Variants in STXBP5L observed in about 807,000 individuals in gnomAD.
The protein encoded by STXBP5L is syntaxin-binding protein 5-like.
STXBP5L carries 65 observed loss-of-function variants against 144.5 expected under a neutral mutation model. That is an observed-to-expected ratio of 0.45 (90% CI 0.37 to 0.55). The LOEUF (loss-of-function observed/expected upper bound fraction) is 0.55. Among genes scored for constraint, STXBP5L ranks in the 20% least tolerant of loss-of-function variants. The pLI, the probability that STXBP5L is intolerant of heterozygous loss-of-function variation, is 0.00. For synonymous variants in STXBP5L, 505 were observed against 469.6 expected, an observed-to-expected ratio of 1.08 and a Z score of -0.97; for missense variants, 1,298 against 1,405.5, an observed-to-expected ratio of 0.92 and a Z score of 1.22.
chr3:121,418,222 C>T (rs2047283523), intron 25 of STXBP5L, 115 bp from the exon 26 acceptor site: 2 of 1,229,536 alleles, frequency 1.6e-6, no homozygotes, highest in East Asian at 2.6e-5. Flanking sequence ...ATAAGACTCT[C>T]TTTTAATGAG....
intron 3 of STXBP5L, among the ~76,000 whole-genome samples, chr3:120,973,009 C>T (rs1029435867): frequency 1.3e-5 from 2 of 152,032 alleles, no homozygotes; most frequent in African/African-American, 4.8e-5. Context: ...CTCTGTTCAT[C>T]AGAGATATTG....
chr3:121,351,179 T>A (rs776273425), intron 20 of STXBP5L, among the ~76,000 whole-genome samples: 1 of 152,148 alleles, frequency 6.6e-6, no homozygotes, highest in Non-Finnish European at 1.5e-5. Context: ...CTTCTAACAG[T>A]CAGGACCCTC....
intron 2 of STXBP5L, among the ~76,000 whole-genome samples, chr3:120,918,075 C>T (rs1709190029): frequency 6.6e-6 from 1 of 152,192 alleles, no homozygotes; most frequent in Non-Finnish European, 1.5e-5. Flanking sequence ...ATCACAATTC[C>T]TTGGCCGATG....
At chr3:120,940,852 A>G (rs1348916188) in intron 2 of STXBP5L, among the ~76,000 whole-genome samples, 1 of 151,608 alleles carries the variant, frequency 6.6e-6, no homozygotes, top group African/African-American at 2.4e-5. Flanking sequence ...CAATGGCAAG[A>G]ATTGGGCCTG....
At chr3:121,043,029 T>G (rs1045191095) in intron 4 of STXBP5L, among the ~76,000 whole-genome samples, 2 of 151,920 alleles carry the variant, frequency 1.3e-5, no homozygotes, top group Non-Finnish European at 2.9e-5. Context: ...TGATTTGTAC[T>G]GGGTCTGATC....
chr3:121,318,561 G>A, intron 20 of STXBP5L, 21 bp downstream of exon 20: 1 of 1,502,696 alleles, frequency 6.7e-7, no homozygotes, highest in South Asian at 1.4e-5. Context: ...GTGGTATTTT[G>A]CAGACTTCTG....
intron 5 of STXBP5L, among the ~76,000 whole-genome samples, chr3:121,057,757 T>G (rs561542169): frequency 9.9e-5 from 15 of 152,146 alleles, no homozygotes; most frequent in African/African-American, 2.9e-4. Context: ...CTTTTGCATT[T>G]CTATTTTTTA....
At chr3:120,938,427 T>C (rs1710381536) in intron 2 of STXBP5L, among the ~76,000 whole-genome samples, 1 of 152,226 alleles carries the variant, frequency 6.6e-6, no homozygotes, top group Non-Finnish European at 1.5e-5. Flanking sequence ...GATAAATTCC[T>C]AGGAGAGCAA....
At chr3:120,968,753 A>T (rs1197179896) in intron 3 of STXBP5L, among the ~76,000 whole-genome samples, 1 of 152,058 alleles carries the variant, frequency 6.6e-6, no homozygotes, top group Admixed American at 6.6e-5. Context: ...TATCACTCTT[A>T]TGCCTTTGCA....
intron 16 of STXBP5L, among the ~76,000 whole-genome samples, chr3:121,255,867 T>C (rs2050191901): frequency 1.3e-5 from 2 of 152,112 alleles, no homozygotes; most frequent in South Asian, 4.1e-4. Flanking sequence ...TGTCCTTCTC[T>C]ACCTTGCCCC....
intron 3 of STXBP5L, among the ~76,000 whole-genome samples, chr3:120,994,971 G>T (rs1230704521): frequency 6.6e-6 from 1 of 151,452 alleles, no homozygotes; most frequent in East Asian, 1.9e-4. Context: ...GGCTGTCCAG[G>T]TTTTCTATTT....
At chr3:121,325,825 A>ATTATTGTTCTAATACTG (rs1559978142) in intron 20 of STXBP5L, among the ~76,000 whole-genome samples, 1 of 151,918 alleles carries the variant, frequency 6.6e-6, no homozygotes, top group Non-Finnish European at 1.5e-5. Context: ...ATGTAATACT[A>ATTATTGTTCTAATACTG]TTATTGTTCT....
chr3:120,917,431 T>A (rs984108513), intron 2 of STXBP5L, among the ~76,000 whole-genome samples: 1 of 152,120 alleles, frequency 6.6e-6, no homozygotes, highest in Non-Finnish European at 1.5e-5. Flanking sequence ...TTTAATATCA[T>A]TTTGGTACAC....
At chr3:120,960,715 A>C (rs896735766) in intron 3 of STXBP5L, among the ~76,000 whole-genome samples, 3 of 151,156 alleles carry the variant, frequency 2.0e-5, no homozygotes, top group Admixed American at 1.3e-4. Flanking sequence ...AACAATGAGA[A>C]CACTTGGACA....
At chr3:121,391,703 TCAC>T (rs1560049666) in intron 22 of STXBP5L, among the ~76,000 whole-genome samples, 1 of 152,210 alleles carries the variant, frequency 6.6e-6, no homozygotes, top group Non-Finnish European at 1.5e-5. Context: ...TGCCTTGGTA[TCAC>T]CAGCAGAAGC....
chr3:121,107,776 G>A (rs930044146), intron 5 of STXBP5L, among the ~76,000 whole-genome samples: 34 of 152,116 alleles, frequency 2.2e-4, no homozygotes, highest in African/African-American at 7.7e-4. Context: ...AATGGAAATA[G>A]CATTGAATCT....
At chr3:121,282,548 C>T (rs1577360919) in intron 19 of STXBP5L, among the ~76,000 whole-genome samples, 1 of 151,728 alleles carries the variant, frequency 6.6e-6, no homozygotes, top group South Asian at 2.1e-4. Context: ...TCAATCATAC[C>T]CATTGTTTCA....
intron 5 of STXBP5L, among the ~76,000 whole-genome samples, chr3:121,071,007 A>C (rs2041787259): frequency 6.6e-6 from 1 of 152,190 alleles, no homozygotes; most frequent in African/African-American, 2.4e-5. Flanking sequence ...TATAGACACA[A>C]GTTCCTGTAT....
rs199822272 is a variant in STXBP5L at position 121,417,449 on chromosome 3, GT to G, written c.3227-879del. On this transcript the variant is annotated intron_variant, in intron 25 of 26. Coordinates refer to ENST00000471454, the MANE Select transcript of STXBP5L (RefSeq NM_001308330.2). The stretch of plus-strand genomic sequence containing the variant: ...TAACTAAATTTCTGCCAAAATAGCT[GT>G]TTTTTTTTCCTTAAAAATAAAAATA... 2.1e-3 allele frequency among the ~76,000 whole-genome samples: 319 copies of G among 150,340 alleles called. 1 individual carries two copies. The highest frequency in any genetic ancestry group is 7.3e-3 in the African/African-American group (298 of 40,920).
Sources: allele counts gnomAD v4.1 joint callset (sites outside exome capture counted in the v4.1 genomes callset), GRCh38; gene constraint gnomAD v4.1.1; transcripts MANE v1.5; gene names NCBI Gene and HGNC (gene_info 2026-07-23, HGNC 2026-07-21).